NUP188: variants seen among roughly 807,000 people sequenced by gnomAD.
The protein encoded by NUP188 is nucleoporin NUP188.
NUP188 carries 97 observed loss-of-function variants against 223.0 expected under a neutral mutation model. The ratio of observed to expected loss-of-function variants is 0.43; its 90% CI spans 0.37 to 0.51. The LOEUF (loss-of-function observed/expected upper bound fraction) is 0.51. Among genes scored for constraint, NUP188 ranks in the 20% least tolerant of loss-of-function variants. The pLI is 0.00. For missense variants in NUP188, 1,947 were observed against 2,175.6 expected, an observed-to-expected ratio of 0.89 and a Z score of 2.09; for synonymous variants, 869 against 828.0, an observed-to-expected ratio of 1.05 and a Z score of -0.85.
chr9:128,980,738 G>C lies in NUP188; in HGVS notation c.1389+13G>C, dbSNP rs1216632174. ...CACAGCCAAAAAGGTAAGTTGCTTA[G>C]TCAGATAAGTAAAGAGAATGGGAGA... On this transcript the variant is annotated intron_variant, in intron 14 of 43. Transcript: ENST00000372577. 7 of 1,612,974 alleles carry C rather than the reference G, an allele frequency of 4.3e-6. No homozygotes were observed. Among genetic ancestry groups the C allele is most frequent in the Non-Finnish European group, 5.9e-6 (7 of 1,179,660 alleles).
chr9:128,999,509 C>G (rs879225846), intron 33 of NUP188, 115 bp from the exon 34 acceptor site: 4 of 1,220,310 alleles, frequency 3.3e-6, no homozygotes, highest in South Asian at 2.8e-5. Context: ...TGGACAGATG[C>G]TGTCCCTCCT....
intron 33 of NUP188, 32 bp downstream of exon 33, chr9:128,999,349 G>C: frequency 6.2e-7 from 1 of 1,609,178 alleles, no homozygotes. Flanking sequence ...AGCAGCAGCT[G>C]CAGTCTGCCC....
chr9:128,964,643 G>A (rs1034681049), intron 8 of NUP188, among the ~76,000 whole-genome samples: 32 of 151,332 alleles, frequency 2.1e-4, no homozygotes, highest in Non-Finnish European at 2.2e-4. Context: ...AAAGTGCTGG[G>A]ATGACAGGCA....
At position 128,993,633 on chromosome 9, in the gene NUP188, G is replaced by T; in HGVS notation, c.2956G>T (p.Ala986Ser). 6.2e-7 allele frequency: 1 copy of T among 1,614,208 alleles called. No individual in the cohort carries two copies. Among genetic ancestry groups the T allele is most frequent in the Non-Finnish European group, 8.5e-7 (1 of 1,180,044 alleles). Reference protein sequence around the residue: ...CPPLLHRAAIAFLHALWQDRR... With the variant: ...CPPLLHRAAISFLHALWQDRR... ...ACCCCTGCTGCATCGTGCCGCCATT[G>T]CCTTTTTGCATGCTCTGTGGCAGGA... The change falls in exon 27 of 44, where the codon GCC becomes TCC. Residue 986 changes from alanine to serine, a missense_variant. By Grantham distance (99) the Ala-to-Ser change is moderately conservative. This residue lies in a region of NUP188 where 905 missense variants were observed against 990.6 expected (regional missense o/e 0.91). Coordinates refer to ENST00000372577, the MANE Select transcript of NUP188 (RefSeq NM_015354.3).
intron 3 of NUP188, 136 bp from the exon 4 acceptor site, chr9:128,956,214 T>G: frequency 2.4e-6 from 1 of 419,394 alleles, no homozygotes. Context: ...TGTGTGTGCG[T>G]GTGTGTGTTT....
chr9:128,986,856 G>A lies in NUP188; in HGVS notation c.2245G>A (p.Glu749Lys), dbSNP rs372967524. ...LIHAILNLCH[E>K]TDLHSSHTPS... Reference sequence around the variant, plus strand: ...TCATGCGATACTGAACCTGTGCCACGAGACAGACCTGCACAGCAGGTAATG... The same window carrying A: ...TCATGCGATACTGAACCTGTGCCACAAGACAGACCTGCACAGCAGGTAATG... The change falls in exon 22 of 44, where the codon GAG (glutamate) becomes AAG (lysine). Residue 749 changes from glutamate to lysine, a missense_variant. Glu to Lys is a moderately conservative substitution (Grantham distance 56, BLOSUM62 1). Around this residue, in one of 3 missense-constraint regions of NUP188, gnomAD observed 225 missense variants for 319.1 expected, o/e 0.71. Coordinates refer to ENST00000372577, the MANE Select transcript of NUP188 (RefSeq NM_015354.3). 5.6e-6 allele frequency: 9 copies of A among 1,613,912 alleles called. No homozygotes were observed. Among genetic ancestry groups the A allele is most frequent in the African/African-American group, 4.0e-5 (3 of 74,882 alleles).
intron 8 of NUP188, among the ~76,000 whole-genome samples, chr9:128,962,498 C>T: frequency 6.6e-6 from 1 of 152,086 alleles, no homozygotes; most frequent in Non-Finnish European, 1.5e-5. Flanking sequence ...ACCCACCCAC[C>T]TCTGCCTCCC....
chr9:128,975,600 A>G (rs1185019795), intron 12 of NUP188, among the ~76,000 whole-genome samples: 1 of 151,482 alleles, frequency 6.6e-6, no homozygotes, highest in African/African-American at 2.4e-5. Context: ...CACTCACTTC[A>G]AGTCTGCCTC....
At chr9:128,956,908 T>C (rs1372333853) in intron 4 of NUP188, 44 bp from the exon 5 acceptor site, 6 of 1,333,296 alleles carry the variant, frequency 4.5e-6, no homozygotes, top group Non-Finnish European at 6.4e-6. Flanking sequence ...GCATCCTGTG[T>C]GCGATTTCTG....
In NUP188 at chr9:129,006,300, T is replaced by A. The variant is rs146725111; in HGVS notation, c.5005T>A (p.Tyr1669Asn). Residue 1669 changes from tyrosine (Y) to asparagine (N), a missense_variant, in exon 43 of 44, where the codon TAC (tyrosine) becomes AAC (asparagine). Coordinates refer to ENST00000372577, the MANE Select transcript of NUP188 (RefSeq NM_015354.3). ...CCTGCTCATCTCTCAGGCGATGCGG[T>A]ACCTTAGGGACCCGGCTGTGCACCC... ...FYLLISQAMR[Y>N]LRDPAVHPRD... is the part of the protein sequence containing the mutation. 37 of 1,613,982 alleles carry A rather than the reference T, an allele frequency of 2.3e-5. No individual in the cohort carries two copies. The highest frequency in any genetic ancestry group is 3.1e-5 in the Non-Finnish European group (37 of 1,180,016).
chr9:128,994,763 A>G, intron 28 of NUP188, 93 bp from the exon 29 acceptor site: 1 of 1,047,042 alleles, frequency 9.6e-7, no homozygotes, highest in Non-Finnish European at 1.5e-6. Context: ...CTTGTTCTGC[A>G]AGTGTTGGGC....
chr9:128,960,300 G>A (rs895739351), intron 8 of NUP188, among the ~76,000 whole-genome samples: 1 of 151,526 alleles, frequency 6.6e-6, no homozygotes, highest in Non-Finnish European at 1.5e-5. Flanking sequence ...TGTTAGCCAG[G>A]ATGGTCTCTA....
chr9:129,001,943 T>C lies in NUP188; in HGVS notation c.4104T>C (p.Ser1368=), dbSNP rs776655727. The C allele has an allele frequency of 7.4e-6, 12 of 1,614,030 alleles. No homozygotes were observed. The African/African-American group carries it at 1.5e-4, about 20-fold the overall frequency. Residue 1368 remains serine, a synonymous_variant, in exon 36 of 44, where the codon AGT becomes AGC. Transcript: ENST00000372577. ...ITQSICLPLL[S]VYQLSTNGTA... is the part of the protein sequence containing the mutation. ...AGAGCATTTGTTTGCCCCTTCTGAGTGTGTACCAGCTGAGCACCAACGGCA... is the reference window on the plus strand; with the variant it reads ...AGAGCATTTGTTTGCCCCTTCTGAGCGTGTACCAGCTGAGCACCAACGGCA...
intron 34 of NUP188, among the ~76,000 whole-genome samples, chr9:129,000,722 G>A (rs189231741): frequency 3.3e-5 from 5 of 151,982 alleles, no homozygotes; most frequent in African/African-American, 1.2e-4. Context: ...AACTGTAAAC[G>A]TGTACATGAG....
intron 8 of NUP188, among the ~76,000 whole-genome samples, chr9:128,967,982 C>T (rs1339922915): frequency 1.3e-5 from 2 of 152,060 alleles, no homozygotes; most frequent in Non-Finnish European, 2.9e-5. Context: ...CATTGGTTGG[C>T]TGGGCACAGT....
chr9:128,992,951 T>G, intron 25 of NUP188: 1 of 501,902 alleles, frequency 2.0e-6, no homozygotes, highest in Non-Finnish European at 3.6e-6. Context: ...ATGTTTCACT[T>G]TTCAGTTTGT....
rs770393287 is a variant in NUP188, at chr9:129,006,282, A to C, written c.4987A>C (p.Ile1663Leu). The change falls in exon 43 of 44, where the codon ATC (isoleucine) becomes CTC (leucine). Residue 1663 changes from isoleucine (I) to leucine (L), a missense_variant. By Grantham distance (5) the Ile-to-Leu change is conservative (BLOSUM62 2). Around this residue, in one of 3 missense-constraint regions of NUP188, gnomAD observed 905 missense variants for 990.6 expected, o/e 0.91. Transcript: ENST00000372577. ...CATGGAAAACTGCTTCTACCTGCTC[A>C]TCTCTCAGGCGATGCGGTACCTTAG... The part of the protein sequence containing the change: ...FTMENCFYLL[I>L]SQAMRYLRDP... 30 of 1,614,008 alleles carry C rather than the reference A, an allele frequency of 1.9e-5. No individual in the cohort carries two copies. The highest frequency in any genetic ancestry group is 3.3e-5 in the South Asian group (3 of 91,082).
rs1421147442 is a variant in NUP188 at position 128,955,262 on chromosome 9, C to T, written c.162-1088C>T. 2.0e-5 allele frequency among the ~76,000 whole-genome samples: 3 copies of T among 152,252 alleles called. 1 individual carries two copies. In the East Asian group the frequency reaches 5.8e-4, roughly 29 times the overall value. ...AGGAGGCATTTGCCAAGTTTCTCCTCTGTAAAGTTACTTTTTTCTCTTTTC... is the reference window on the plus strand; with the variant it reads ...AGGAGGCATTTGCCAAGTTTCTCCTTTGTAAAGTTACTTTTTTCTCTTTTC... On this transcript the variant is annotated intron_variant, in intron 3 of 43. Transcript: ENST00000372577.
intron 25 of NUP188, among the ~76,000 whole-genome samples, chr9:128,992,525 A>G (rs1366303225): frequency 6.6e-6 from 1 of 152,124 alleles, no homozygotes; most frequent in African/African-American, 2.4e-5. Context: ...GGCTTCCTTT[A>G]CTTGATACCA....
Sources: allele counts gnomAD v4.1 joint callset (sites outside exome capture counted in the v4.1 genomes callset), GRCh38; gene constraint gnomAD v4.1.1; regional missense constraint gnomAD v4.1.1; transcripts MANE v1.5; gene names NCBI Gene and HGNC (gene_info 2026-07-23, HGNC 2026-07-21).